The following HS6ST3 variants were observed in gnomAD, a reference collection of about 807,000 sequenced individuals.
HS6ST3 encodes the protein heparan-sulfate 6-O-sulfotransferase 3.
Under a neutral mutation model 36.7 loss-of-function variants are expected in HS6ST3, and 12 were observed. That is an observed-to-expected ratio of 0.33 (90% CI 0.21 to 0.53). The LOEUF (loss-of-function observed/expected upper bound fraction) is 0.53. HS6ST3 is among the 20% of genes least tolerant of loss of function. HS6ST3 has a pLI of 0.95. For missense variants in HS6ST3, 584 were observed against 640.9 expected (o/e 0.91, Z 0.96); for synonymous variants, 240 against 257.5 (o/e 0.93, Z 0.65).
At chr13:96,331,526 C>G (rs951058937) in intron 1 of HS6ST3, among the ~76,000 whole-genome samples, 2 of 152,150 alleles carry the variant, frequency 1.3e-5, no homozygotes, top group Non-Finnish European at 2.9e-5. Context: ...CTTGAGGAGG[C>G]AGTCTGCCCG....
At chr13:96,657,177 T>C (rs1594829100) in intron 1 of HS6ST3, among the ~76,000 whole-genome samples, 1 of 152,172 alleles carries the variant, frequency 6.6e-6, no homozygotes, top group East Asian at 1.9e-4. Flanking sequence ...TAATTTTTGT[T>C]TATTGCAAAG....
At chr13:96,251,783 G>A (rs895860316) in intron 1 of HS6ST3, among the ~76,000 whole-genome samples, 3 of 151,798 alleles carry the variant, frequency 2.0e-5, no homozygotes, top group African/African-American at 7.2e-5. Flanking sequence ...GATATTTTTT[G>A]ATTTCCCTTT....
At chr13:96,124,151 A>C (rs1382258800) in intron 1 of HS6ST3, among the ~76,000 whole-genome samples, 2 of 152,198 alleles carry the variant, frequency 1.3e-5, no homozygotes, top group African/African-American at 4.8e-5. Flanking sequence ...TAAAATGTTC[A>C]GGAGCTTTCC....
At chr13:96,767,775 T>C (rs969678055) in intron 1 of HS6ST3, among the ~76,000 whole-genome samples, 2 of 152,172 alleles carry the variant, frequency 1.3e-5, no homozygotes, top group African/African-American at 4.8e-5. Context: ...ATAGTACATA[T>C]GTAGTCCAAA....
intron 1 of HS6ST3, among the ~76,000 whole-genome samples, chr13:96,469,684 AGGT>A (rs2055831281): frequency 6.6e-6 from 1 of 152,052 alleles, no homozygotes; most frequent in Non-Finnish European, 1.5e-5. Flanking sequence ...ATATTTGTAG[AGGT>A]GGTGGTGGTC....
intron 1 of HS6ST3, among the ~76,000 whole-genome samples, chr13:96,188,079 C>G (rs1292116206): frequency 6.6e-6 from 1 of 152,110 alleles, no homozygotes; most frequent in Non-Finnish European, 1.5e-5. Flanking sequence ...TTCCTCTTCC[C>G]CCTATAGCAC....
intron 1 of HS6ST3, among the ~76,000 whole-genome samples, chr13:96,425,905 A>G (rs973017128): frequency 1.2e-4 from 18 of 151,948 alleles, no homozygotes; most frequent in Non-Finnish European, 5.9e-5. Flanking sequence ...TCTTTCATTT[A>G]TTGCACAAGC....
chr13:96,108,783 G>T (rs1430799184), intron 1 of HS6ST3, among the ~76,000 whole-genome samples: 5 of 152,206 alleles, frequency 3.3e-5, no homozygotes, highest in Non-Finnish European at 7.3e-5. Context: ...TAGAAAAGAA[G>T]TAGCCACAGG....
chr13:96,730,454 A>C (rs1876120597), intron 1 of HS6ST3, among the ~76,000 whole-genome samples: 1 of 152,176 alleles, frequency 6.6e-6, no homozygotes. Flanking sequence ...CAGGTCAGCC[A>C]TTGGCTTTAT....
At chr13:96,821,606 A>G (rs1007563784) in intron 1 of HS6ST3, among the ~76,000 whole-genome samples, 2 of 152,238 alleles carry the variant, frequency 1.3e-5, no homozygotes, top group African/African-American at 2.4e-5. Flanking sequence ...TGTTATTCAT[A>G]TCAGTTTTTC....
At chr13:96,727,290 T>C (rs1016853704) in intron 1 of HS6ST3, among the ~76,000 whole-genome samples, 32 of 152,278 alleles carry the variant, frequency 2.1e-4, no homozygotes, top group African/African-American at 7.7e-4. Flanking sequence ...TAAAGTTTCA[T>C]AGACATGAAA....
At position 96,837,523 on chromosome 13, in the gene HS6ST3, A is replaced by G. The variant is rs1326743864; in HGVS notation, c.*4325A>G. The G allele has an allele frequency of 2.0e-5, 3 of 152,196 alleles. No individual in the cohort carries two copies. The highest frequency in any genetic ancestry group is 7.2e-5 in the African/African-American group (3 of 41,448). The allele number at this position is 152,196 out of a possible 1,614,324, so 9.4% of individuals were successfully genotyped here. A position where few individuals can be genotyped will look rare whatever the true frequency, so the allele number is the denominator to read the frequency against. The stretch of plus-strand genomic sequence containing the variant: ...TATGCAGCTCAGCATCAGTACTGGG[A>G]TTGGGAACTGCAAGAATATGAAATG... On this transcript the variant is annotated 3_prime_UTR_variant, in exon 2 of 2. Transcript: ENST00000376705.
At chr13:96,824,356 C>T (rs762653846) in intron 1 of HS6ST3, among the ~76,000 whole-genome samples, 9 of 152,240 alleles carry the variant, frequency 5.9e-5, no homozygotes, top group Non-Finnish European at 1.2e-4. Context: ...ATCGCTGTGA[C>T]ACACACCACT....
At chr13:96,708,025 T>G (rs978971973) in intron 1 of HS6ST3, among the ~76,000 whole-genome samples, 1 of 152,178 alleles carries the variant, frequency 6.6e-6, no homozygotes, top group Non-Finnish European at 1.5e-5. Context: ...ATAAGGACAT[T>G]CCAGATAGGC....
At chr13:96,346,050 G>A (rs1435990051) in intron 1 of HS6ST3, among the ~76,000 whole-genome samples, 1 of 152,102 alleles carries the variant, frequency 6.6e-6, no homozygotes, top group Non-Finnish European at 1.5e-5. Context: ...ATAATCTAGT[G>A]CTGTTGCTGA....
At chr13:96,570,447 G>A (rs1347329798) in intron 1 of HS6ST3, among the ~76,000 whole-genome samples, 2 of 152,210 alleles carry the variant, frequency 1.3e-5, no homozygotes, top group Admixed American at 6.5e-5. Context: ...TGAAATCTCA[G>A]GGTGTTGCAC....
intron 1 of HS6ST3, among the ~76,000 whole-genome samples, chr13:96,466,320 T>C (rs540198781): frequency 1.3e-5 from 2 of 152,244 alleles, no homozygotes; most frequent in South Asian, 2.1e-4. Context: ...AAATTTCAAG[T>C]GTACAATTCG....
At chr13:96,244,500 T>A (rs1188116840) in intron 1 of HS6ST3, among the ~76,000 whole-genome samples, 2 of 152,188 alleles carry the variant, frequency 1.3e-5, no homozygotes, top group Non-Finnish European at 2.9e-5. Context: ...CTAATACAAT[T>A]GATTTTCTGA....
At chr13:96,144,831 T>G (rs1410073320) in intron 1 of HS6ST3, among the ~76,000 whole-genome samples, 1 of 115,326 alleles carries the variant, frequency 8.7e-6, no homozygotes, top group Non-Finnish European at 1.7e-5. Flanking sequence ...CAGTGTGTGA[T>G]GTTCCCCTTC....
Sources: allele counts gnomAD v4.1 joint callset (sites outside exome capture counted in the v4.1 genomes callset), GRCh38; gene constraint gnomAD v4.1.1; transcripts MANE v1.5; gene names NCBI Gene and HGNC (gene_info 2026-07-23, HGNC 2026-07-21).